The following TRMT9B variants were observed in gnomAD, a reference collection of about 807,000 sequenced individuals.
TRMT9B encodes probable tRNA methyltransferase 9B.
TRMT9B carries 16 observed loss-of-function variants against 11.5 expected under a neutral mutation model. That is an observed-to-expected ratio of 1.39 (90% CI 0.94 to 2.11). The LOEUF is 2.11. Ranked by LOEUF, TRMT9B falls within the 30% of genes most tolerant of loss-of-function variation. The pLI, the probability that TRMT9B is intolerant of heterozygous loss-of-function variation, is 0.00. For missense variants in TRMT9B, 941 were observed against 553.8 expected (o/e 1.70, Z -7.02); for synonymous variants, 274 against 192.4 (o/e 1.42, Z -3.51).
chr8:13,010,337 G>A (rs1171634819), intron 3 of TRMT9B: 1 of 970,046 alleles, frequency 1.0e-6, no homozygotes, highest in African/African-American at 1.8e-5. Context: ...TGAAGTTAAA[G>A]AAGAAAGAAA....
intron 1 of TRMT9B, among the ~76,000 whole-genome samples, chr8:12,988,621 T>G (rs930950755): frequency 4.6e-5 from 7 of 152,070 alleles, no homozygotes; most frequent in Non-Finnish European, 8.8e-5. Flanking sequence ...AAAATTCCCT[T>G]ATAAAACCAT....
chr8:12,956,659 TGTTA>T (rs1325841211), intron 1 of TRMT9B, among the ~76,000 whole-genome samples: 1 of 152,208 alleles, frequency 6.6e-6, no homozygotes, highest in African/African-American at 2.4e-5. Context: ...GCACCTGGCT[TGTTA>T]GTTCTTTCAT....
intron 2 of TRMT9B, among the ~76,000 whole-genome samples, chr8:12,993,681 A>T (rs560379527): frequency 5.9e-5 from 9 of 152,238 alleles, no homozygotes; most frequent in Non-Finnish European, 1.3e-4. Flanking sequence ...CTATCTCAGC[A>T]GATTCTTTTG....
chr8:12,971,921 A>G (rs1174676400), intron 1 of TRMT9B, among the ~76,000 whole-genome samples: 1 of 152,216 alleles, frequency 6.6e-6, no homozygotes, highest in Non-Finnish European at 1.5e-5. Context: ...GAACCAAAAA[A>G]AACCCTAATT....
chr8:12,947,289 G>A (rs2128853931), intron 1 of TRMT9B, among the ~76,000 whole-genome samples: 1 of 152,278 alleles, frequency 6.6e-6, no homozygotes, highest in Non-Finnish European at 1.5e-5. Flanking sequence ...CTGAAGTTAA[G>A]CTCACCCGGG....
intron 3 of TRMT9B, 179 bp from the exon 4 acceptor site, chr8:13,012,505 G>T: frequency 1.3e-6 from 1 of 757,272 alleles, no homozygotes; most frequent in African/African-American, 1.8e-5. Flanking sequence ...AACCCGTGAG[G>T]CAGAGGTTGC....
chr8:12,992,216 G>C (rs1807475886), intron 2 of TRMT9B, among the ~76,000 whole-genome samples: 1 of 152,144 alleles, frequency 6.6e-6, no homozygotes, highest in Admixed American at 6.5e-5. Flanking sequence ...ATGAGACATA[G>C]ATAGAGATAT....
intron 3 of TRMT9B, chr8:13,010,539 C>T (rs1286903995): frequency 1.0e-6 from 1 of 984,554 alleles, no homozygotes; most frequent in East Asian, 1.1e-4. Flanking sequence ...AAGATTTAAA[C>T]ATGAAGGCCA....
At chr8:12,987,787 C>T (rs190028679) in intron 1 of TRMT9B, among the ~76,000 whole-genome samples, 23 of 152,228 alleles carry the variant, frequency 1.5e-4, no homozygotes, top group Middle Eastern at 3.4e-3. Context: ...TTACATTAGC[C>T]GACAGCTGGG....
chr8:13,003,714 T>A (rs1809885481), intron 2 of TRMT9B, among the ~76,000 whole-genome samples: 1 of 151,252 alleles, frequency 6.6e-6, no homozygotes, highest in African/African-American at 2.4e-5. Flanking sequence ...AGGTAAGAAC[T>A]GAGGGGGATA....
At chr8:12,946,042 G>A (rs913222597) in intron 1 of TRMT9B, 76 bp downstream of exon 1, 2 of 152,154 alleles carry the variant, frequency 1.3e-5, no homozygotes, top group African/African-American at 2.4e-5. Flanking sequence ...GTCATCCCAC[G>A]AGACTATAAG....
At chr8:12,971,177 G>T (rs940019032) in intron 1 of TRMT9B, among the ~76,000 whole-genome samples, 8 of 151,914 alleles carry the variant, frequency 5.3e-5, no homozygotes, top group Admixed American at 5.2e-4. Context: ...GTTAACTGTC[G>T]TTTCCCTGCT....
intron 1 of TRMT9B, among the ~76,000 whole-genome samples, chr8:12,965,487 C>A (rs531396116): frequency 6.6e-6 from 1 of 152,190 alleles, no homozygotes; most frequent in African/African-American, 2.4e-5. Flanking sequence ...CGTCCAGAAC[C>A]AAGGTGGCCT....
intron 1 of TRMT9B, among the ~76,000 whole-genome samples, chr8:12,968,893 C>T (rs1280497383): frequency 6.6e-6 from 1 of 152,162 alleles, no homozygotes; most frequent in Non-Finnish European, 1.5e-5. Context: ...GTCACATAAG[C>T]CTGCTCTTAC....
At chr8:12,971,525 A>T (rs1803627655) in intron 1 of TRMT9B, among the ~76,000 whole-genome samples, 1 of 152,204 alleles carries the variant, frequency 6.6e-6, no homozygotes. Flanking sequence ...TGAACTTGTC[A>T]TTGCAGCATC....
intron 1 of TRMT9B, among the ~76,000 whole-genome samples, chr8:12,982,326 C>G (rs1805544336): frequency 6.6e-6 from 1 of 152,210 alleles, no homozygotes; most frequent in African/African-American, 2.4e-5. Context: ...AGACCAGATT[C>G]TACTATGCTT....
chr8:13,002,886 C>T (rs1442228502), intron 2 of TRMT9B, among the ~76,000 whole-genome samples: 1 of 152,146 alleles, frequency 6.6e-6, no homozygotes, highest in African/African-American at 2.4e-5. Flanking sequence ...AGTATCTTCT[C>T]TCCAGTTACA....
At chr8:12,988,617 C>G (rs531840982) in intron 1 of TRMT9B, among the ~76,000 whole-genome samples, 1 of 152,070 alleles carries the variant, frequency 6.6e-6, no homozygotes, top group Non-Finnish European at 1.5e-5. Context: ...GGAAAAAATT[C>G]CCTTATAAAA....
intron 1 of TRMT9B, among the ~76,000 whole-genome samples, chr8:12,965,926 C>A (rs549346672): frequency 3.8e-4 from 58 of 151,660 alleles, no homozygotes; most frequent in African/African-American, 1.1e-3. Context: ...GGCAGGAGAA[C>A]CACTTGAACC....
Sources: gnomAD v4.1 joint callset for allele counts (sites outside exome capture counted in the v4.1 genomes callset) on GRCh38, gnomAD v4.1.1 for gene constraint, MANE v1.5 for transcripts, NCBI Gene and HGNC (gene_info 2026-07-23, HGNC 2026-07-21) for gene names.